B3GALT1: variants seen among roughly 807,000 people sequenced by gnomAD.
B3GALT1 encodes beta-1,3-galactosyltransferase 1, also known as UDP-Gal:betaGlcNAc beta 1,3-galactosyltransferase, polypeptide 1.
B3GALT1 carries 10 observed loss-of-function variants against 23.2 expected under a neutral mutation model. The observed-to-expected ratio is 0.43, with a 90% confidence interval of 0.27 to 0.73. The LOEUF (loss-of-function observed/expected upper bound fraction) is 0.73, where lower values mean the gene tolerates loss of function less well. Among genes scored for constraint, B3GALT1 ranks in the 30% least tolerant of loss-of-function variants. B3GALT1 has a pLI of 0.21. For missense variants in B3GALT1, 299 were observed against 405.4 expected (o/e 0.74, Z 2.25); for synonymous variants, 156 against 141.5 (o/e 1.10, Z -0.73).
At chr2:167,719,941 A>G (rs1337963001) in intron 3 of B3GALT1, among the ~76,000 whole-genome samples, 1 of 152,080 alleles carries the variant, frequency 6.6e-6, no homozygotes, top group African/African-American at 2.4e-5. Flanking sequence ...CAAAAAAAAA[A>G]AAAGAAAGTC....
At chr2:167,342,253 T>A (rs1183570647) in intron 1 of B3GALT1, among the ~76,000 whole-genome samples, 1 of 152,040 alleles carries the variant, frequency 6.6e-6, no homozygotes, top group East Asian at 1.9e-4. Flanking sequence ...AGTCAAAAGA[T>A]CTTGGAATCA....
intron 1 of B3GALT1, among the ~76,000 whole-genome samples, chr2:167,358,675 A>G (rs889339650): frequency 5.3e-5 from 8 of 152,110 alleles, no homozygotes; most frequent in African/African-American, 1.9e-4. Context: ...ACTATATACT[A>G]TACACTATAT....
chr2:167,496,693 T>G (rs529652205), intron 2 of B3GALT1, among the ~76,000 whole-genome samples: 1 of 152,264 alleles, frequency 6.6e-6, no homozygotes, highest in South Asian at 2.1e-4. Context: ...ATCCTAACTC[T>G]CAGTGTGATG....
intron 3 of B3GALT1, among the ~76,000 whole-genome samples, chr2:167,735,195 A>G (rs1687473256): frequency 6.6e-6 from 1 of 152,264 alleles, no homozygotes; most frequent in African/African-American, 2.4e-5. Context: ...GAAATAGCTT[A>G]GGTCAGCTAC....
At chr2:167,404,958 T>TA (rs1322344188) in intron 1 of B3GALT1, among the ~76,000 whole-genome samples, 2 of 152,206 alleles carry the variant, frequency 1.3e-5, no homozygotes, top group South Asian at 2.1e-4. Context: ...ATTTTGCTGT[T>TA]ACGAGCACAG....
intron 2 of B3GALT1, among the ~76,000 whole-genome samples, chr2:167,634,153 A>G (rs547496183): frequency 6.6e-6 from 1 of 152,300 alleles, no homozygotes; most frequent in East Asian, 1.9e-4. Flanking sequence ...GAAACCAATG[A>G]GAACAAATAC....
At chr2:167,361,071 T>C (rs1370787794) in intron 1 of B3GALT1, among the ~76,000 whole-genome samples, 1 of 152,202 alleles carries the variant, frequency 6.6e-6, no homozygotes, top group African/African-American at 2.4e-5. Context: ...TAATATTCCA[T>C]TATGTGTATA....
intron 2 of B3GALT1, among the ~76,000 whole-genome samples, chr2:167,577,489 G>C (rs974937186): frequency 6.6e-6 from 1 of 151,832 alleles, no homozygotes; most frequent in Non-Finnish European, 1.5e-5. Context: ...TTTGGATAGA[G>C]TAGCAGAATG....
chr2:167,630,272 G>T (rs1427234654), intron 2 of B3GALT1, among the ~76,000 whole-genome samples: 1 of 151,672 alleles, frequency 6.6e-6, no homozygotes, highest in Non-Finnish European at 1.5e-5. Context: ...GACATCCTGA[G>T]GAAACAACCA....
chr2:167,745,780 G>A (rs1050841349), intron 3 of B3GALT1, among the ~76,000 whole-genome samples: 5 of 151,880 alleles, frequency 3.3e-5, no homozygotes, highest in Admixed American at 6.6e-5. Flanking sequence ...TTCTACTGAC[G>A]TATAGTGTGG....
At chr2:167,707,861 A>G (rs1686989024) in intron 3 of B3GALT1, among the ~76,000 whole-genome samples, 1 of 152,244 alleles carries the variant, frequency 6.6e-6, no homozygotes, top group South Asian at 2.1e-4. Context: ...CCTGCATTAT[A>G]ATTATAAAAT....
chr2:167,767,794 T>C lies in B3GALT1; in HGVS notation c.-351-50878T>C, dbSNP rs150360459. Among the ~76,000 whole-genome samples, 304 of 152,278 alleles carry C rather than the reference T, an allele frequency of 2.0e-3. 11 individuals are homozygous for C. In the East Asian group the frequency reaches 0.047, roughly 24 times the overall value. Reference sequence around the variant, plus strand: ...TATAGTTCTAACTAGGAAAGTTTTCTACAGAACGAATACAATATATATAAA... The same window carrying C: ...TATAGTTCTAACTAGGAAAGTTTTCCACAGAACGAATACAATATATATAAA... On this transcript the variant is annotated intron_variant, in intron 3 of 4. Transcript: ENST00000392690.
chr2:167,505,506 T>C (rs1251026054), intron 2 of B3GALT1, among the ~76,000 whole-genome samples: 3 of 152,084 alleles, frequency 2.0e-5, no homozygotes, highest in African/African-American at 7.2e-5. Context: ...TTAGAGACTC[T>C]AAGGAGAAAA....
intron 4 of B3GALT1, among the ~76,000 whole-genome samples, chr2:167,823,143 A>G (rs1034825265): frequency 6.6e-6 from 1 of 152,110 alleles, no homozygotes; most frequent in African/African-American, 2.4e-5. Context: ...CATGGGGTGA[A>G]GAAAGCCTGG....
intron 1 of B3GALT1, among the ~76,000 whole-genome samples, chr2:167,300,068 A>G (rs1696421434): frequency 1.3e-5 from 2 of 151,652 alleles, no homozygotes; most frequent in African/African-American, 4.9e-5. Flanking sequence ...ACGCCTGGCT[A>G]TTTCTTTTGT....
At position 167,352,707 on chromosome 2, in the gene B3GALT1, C is replaced by T. The variant is rs569643319; in HGVS notation, c.-511+59373C>T. 3.5e-4 allele frequency among the ~76,000 whole-genome samples: 50 copies of T among 141,200 alleles called. No individual in the cohort carries two copies. In the East Asian group the frequency reaches 7.5e-3, roughly 21 times the overall value. 92.6% of individuals were successfully genotyped at this position (141,200 alleles called of 152,430 possible). Reference sequence around the variant, plus strand: ...CTGCACTCCAGCCTGGGCGACAGAGCGAGACTCCATCTCAAAAAGAAAAAA... The same window carrying T: ...CTGCACTCCAGCCTGGGCGACAGAGTGAGACTCCATCTCAAAAAGAAAAAA... On this transcript the variant is annotated intron_variant, in intron 1 of 4. Transcript: ENST00000392690.
intron 3 of B3GALT1, among the ~76,000 whole-genome samples, chr2:167,683,024 C>G (rs1686559643): frequency 6.6e-6 from 1 of 152,112 alleles, no homozygotes; most frequent in Non-Finnish European, 1.5e-5. Flanking sequence ...GGAGGAAATT[C>G]TAATGTATTA....
At chr2:167,741,780 T>C (rs959150548) in intron 3 of B3GALT1, among the ~76,000 whole-genome samples, 11 of 152,184 alleles carry the variant, frequency 7.2e-5, no homozygotes, top group African/African-American at 7.2e-5. Flanking sequence ...TTGATCATAC[T>C]GGGAACCAAA....
chr2:167,783,132 A>G (rs936618196), intron 3 of B3GALT1, among the ~76,000 whole-genome samples: 6 of 152,144 alleles, frequency 3.9e-5, no homozygotes, highest in Non-Finnish European at 5.9e-5. Flanking sequence ...TGATGCCCCC[A>G]ATCTCATGGC....
Sources: gnomAD v4.1 joint callset for allele counts (sites outside exome capture counted in the v4.1 genomes callset) on GRCh38, gnomAD v4.1.1 for gene constraint, MANE v1.5 for transcripts, NCBI Gene and HGNC (gene_info 2026-07-23, HGNC 2026-07-21) for gene names.